The following CSMD1 variants were observed in gnomAD, a reference collection of about 807,000 sequenced individuals.
CSMD1 encodes CUB and sushi domain-containing protein 1.
A neutral mutation model predicts 417.5 loss-of-function variants in CSMD1; 213 were observed. The observed-to-expected ratio is 0.51, with a 90% confidence interval of 0.46 to 0.57. The LOEUF is 0.57. Among genes scored for constraint, CSMD1 ranks in the 20% least tolerant of loss-of-function variants. The pLI is 0.00. For missense variants in CSMD1, 6,923 were observed against 4,529.7 expected (o/e 1.53, Z -15.17); for synonymous variants, 2,862 against 1,736.8 (o/e 1.65, Z -16.11).
intron 23 of CSMD1, among the ~76,000 whole-genome samples, chr8:3,339,532 G>C (rs999404059): frequency 5.3e-5 from 8 of 152,122 alleles, no homozygotes; most frequent in Non-Finnish European, 1.2e-4. Flanking sequence ...TTTAACATCA[G>C]AATGCCAGTT....
Position 3,574,890 on chromosome 8 carries a change from G to C in CSMD1, c.1344+55C>G, listed in dbSNP as rs190162556. The stretch of plus-strand genomic sequence containing the variant: ...TGCTGGGCTGTTTGCTTCAACAATA[G>C]ATCCTATAAGAGTGCTGTGTGCATT... On this transcript the variant is annotated intron_variant, in intron 10 of 69. Transcript: ENST00000635120. 5.5e-4 allele frequency: 858 copies of C among 1,559,378 alleles called. 6 individuals carry two copies. Among genetic ancestry groups the C allele is most frequent in the East Asian group, 1.4e-4 (6 of 43,676 alleles).
At chr8:4,033,398 C>G (rs1201529156) in intron 3 of CSMD1, among the ~76,000 whole-genome samples, 1 of 152,138 alleles carries the variant, frequency 6.6e-6, no homozygotes, top group Admixed American at 6.5e-5. Flanking sequence ...GCCGAGATCG[C>G]ACCACTGCAC....
intron 1 of CSMD1, among the ~76,000 whole-genome samples, chr8:4,899,969 G>A (rs899286103): frequency 1.3e-5 from 2 of 152,018 alleles, no homozygotes; most frequent in African/African-American, 2.4e-5. Flanking sequence ...TTAAATAAAT[G>A]GGTCTTATTT....
chr8:4,653,708 G>T (rs927886894), intron 1 of CSMD1, among the ~76,000 whole-genome samples: 12 of 152,048 alleles, frequency 7.9e-5, no homozygotes, highest in African/African-American at 2.2e-4. Flanking sequence ...AACACAAATG[G>T]CAGAAAAGGA....
intron 2 of CSMD1, among the ~76,000 whole-genome samples, chr8:4,582,080 T>G (rs2725069): frequency 0.39 from 58,778 of 151,726 alleles, 11,549 homozygotes; most frequent in African/African-American, 0.44. Context: ...TCTTTTTTTT[T>G]TTTGGTTTGT....
At chr8:4,538,734 C>T (rs1215896038) in intron 2 of CSMD1, among the ~76,000 whole-genome samples, 1 of 152,110 alleles carries the variant, frequency 6.6e-6, no homozygotes, top group African/African-American at 2.4e-5. Context: ...AAGTAAACCT[C>T]CAAATTATTT....
chr8:4,920,982 CAAAGAA>C (rs1806444038), intron 1 of CSMD1, among the ~76,000 whole-genome samples: 1 of 17,544 alleles, frequency 5.7e-5, no homozygotes, highest in Non-Finnish European at 1.7e-4. Flanking sequence ...AAGAAAGAAA[CAAAGAA>C]AGAAAGAAAA....
At chr8:4,307,783 T>G (rs1798329021) in intron 3 of CSMD1, among the ~76,000 whole-genome samples, 1 of 151,914 alleles carries the variant, frequency 6.6e-6, no homozygotes, top group Non-Finnish European at 1.5e-5. Flanking sequence ...AGGTCCAGAG[T>G]CAGTTTACCT....
intron 37 of CSMD1, among the ~76,000 whole-genome samples, chr8:3,179,167 G>A (rs552776683): frequency 0.013 from 1,915 of 151,386 alleles, 37 homozygotes; most frequent in African/African-American, 0.02. Flanking sequence ...GGACTGTCTC[G>A]ATCTCCTGAC....
intron 10 of CSMD1, among the ~76,000 whole-genome samples, chr8:3,518,907 G>C (rs1797389954): frequency 6.6e-6 from 1 of 152,142 alleles, no homozygotes; most frequent in Non-Finnish European, 1.5e-5. Context: ...CACTTATCCT[G>C]AGAGCTGTTG....
intron 1 of CSMD1, among the ~76,000 whole-genome samples, chr8:4,935,112 C>T (rs1384783606): frequency 6.6e-6 from 1 of 152,190 alleles, no homozygotes; most frequent in Non-Finnish European, 1.5e-5. Flanking sequence ...TGCCTTCATT[C>T]CTTATAGCTC....
intron 1 of CSMD1, among the ~76,000 whole-genome samples, chr8:4,739,289 C>G (rs1182365462): frequency 1.3e-5 from 2 of 152,172 alleles, no homozygotes; most frequent in Non-Finnish European, 1.5e-5. Flanking sequence ...GGAACTCCTA[C>G]AGATTAACAG....
At chr8:3,402,349 AT>A (rs1262647002) in intron 15 of CSMD1, among the ~76,000 whole-genome samples, 3 of 152,152 alleles carry the variant, frequency 2.0e-5, no homozygotes, top group African/African-American at 7.2e-5. Context: ...TGCTAAAAAA[AT>A]CACCCGTTTT....
At chr8:3,837,464 C>G (rs186409074) in intron 5 of CSMD1, among the ~76,000 whole-genome samples, 2 of 152,210 alleles carry the variant, frequency 1.3e-5, no homozygotes, top group East Asian at 3.9e-4. Context: ...GAGATGTCCT[C>G]CTGGGACCTA....
chr8:4,060,251 T>G (rs1225409191), intron 3 of CSMD1, among the ~76,000 whole-genome samples: 1 of 152,040 alleles, frequency 6.6e-6, no homozygotes, highest in South Asian at 2.1e-4. Flanking sequence ...CAACCCTTCA[T>G]GCTAAAAACT....
chr8:3,110,347 AC>A lies in CSMD1; in HGVS notation c.6431-13del, dbSNP rs774037882. 6.3e-7 allele frequency: 1 copy of A among 1,586,206 alleles called. No individual in the cohort carries two copies. Among genetic ancestry groups the A allele is most frequent in the South Asian group, 1.2e-5 (1 of 86,390 alleles). ...GTACCCACAAGGGGCTGCAAAGGAA[AC>A]CAAGAAAAAACAAGCGCCATACAGC... On this transcript the variant is annotated splice_polypyrimidine_tract_variant and intron_variant, in intron 42 of 69. Transcript: ENST00000635120.
intron 2 of CSMD1, among the ~76,000 whole-genome samples, chr8:4,543,671 GAAAAAAAA>G (rs35739254): frequency 2.2e-3 from 128 of 57,332 alleles, no homozygotes; most frequent in African/African-American, 7.9e-3. Context: ...GTTTAATTTT[GAAAAAAAA>G]AAAAAAAAAA....
intron 5 of CSMD1, among the ~76,000 whole-genome samples, chr8:3,792,795 T>A (rs539654672): frequency 6.6e-6 from 1 of 152,210 alleles, no homozygotes; most frequent in African/African-American, 2.4e-5. Context: ...ATTTAAGGCA[T>A]ATATTGATAA....
intron 2 of CSMD1, among the ~76,000 whole-genome samples, chr8:4,542,512 C>G (rs1797437354): frequency 6.6e-6 from 1 of 152,110 alleles, no homozygotes; most frequent in Non-Finnish European, 1.5e-5. Context: ...ATTATTGAAG[C>G]CTCCTTTATG....
Sources: allele counts gnomAD v4.1 joint callset (sites outside exome capture counted in the v4.1 genomes callset), GRCh38; gene constraint gnomAD v4.1.1; transcripts MANE v1.5; gene names NCBI Gene and HGNC (gene_info 2026-07-23, HGNC 2026-07-21).